The following SGMS2 variants were observed in gnomAD, a reference collection of about 807,000 sequenced individuals.
SGMS2 encodes sphingomyelin synthase 2, also known as phosphatidylcholine:ceramide cholinephosphotransferase 2.
Under a neutral mutation model 43.8 loss-of-function variants are expected in SGMS2, and 21 were observed. The observed-to-expected ratio is 0.48, with a 90% CI of 0.34 to 0.69. SGMS2 has a LOEUF of 0.69. Among genes scored for constraint, SGMS2 ranks in the 30% least tolerant of loss-of-function variants. SGMS2 has a pLI of 0.01. For missense variants in SGMS2, 384 were observed against 443.2 expected, an observed-to-expected ratio of 0.87 and a Z score of 1.20; for synonymous variants, 167 against 160.6, an observed-to-expected ratio of 1.04 and a Z score of -0.30.
intron 2 of SGMS2, among the ~76,000 whole-genome samples, chr4:107,875,545 G>A (rs909542107): frequency 2.0e-5 from 3 of 152,158 alleles, no homozygotes; most frequent in African/African-American, 7.2e-5. Context: ...ACATCAGGAA[G>A]AATAGCTGAT....
intron 2 of SGMS2, among the ~76,000 whole-genome samples, chr4:107,872,348 C>T (rs1412682067): frequency 1.3e-5 from 2 of 152,084 alleles, no homozygotes; most frequent in African/African-American, 2.4e-5. Context: ...CACCCTTTAA[C>T]GTCCCATCCT....
In SGMS2 at chr4:107,890,674, C is replaced by CAA. The variant is rs58069785; in HGVS notation, c.-244-4620_-244-4619dup. 7.0e-3 allele frequency among the ~76,000 whole-genome samples: 442 copies of CAA among 62,798 alleles called. 3 individuals carry two copies. The highest frequency in any genetic ancestry group is 0.021 in the African/African-American group (419 of 19,824). The allele number at this position is 62,798 out of a possible 152,430, so 41.2% of individuals were successfully genotyped here. ...TGGACAACAGAGCAATACTCCACCT[C>CAA]AAAAAAAAAAAAAAAAAGACAAGGT... On this transcript the variant is annotated intron_variant, in intron 2 of 6. Transcript: ENST00000690982.
chr4:107,864,324 T>G (rs927952213), intron 2 of SGMS2: 2 of 152,162 alleles, frequency 1.3e-5, no homozygotes, highest in Non-Finnish European at 2.9e-5. Context: ...AGTGGTGACA[T>G]TAGGAGATGC....
In SGMS2 at chr4:107,908,661, T is replaced by C. The variant is rs1157015706; in HGVS notation, c.824T>C (p.Ile275Thr). The part of the protein sequence containing the change: ...CILVAHEHYT[I>T]DVIIAYYITT... ...CTTGTAGCACACGAACACTACACTA[T>C]CGATGTGATCATTGCTTATTATATC... The change falls in exon 6 of 7, where the codon ATC becomes ACC. Residue 275 changes from isoleucine to threonine, a missense_variant. Ile to Thr is a moderately conservative substitution (Grantham distance 89, BLOSUM62 -1). Coordinates refer to ENST00000690982, the MANE Select transcript of SGMS2 (RefSeq NM_001375905.1). 1 of 1,614,064 alleles carries C rather than the reference T, an allele frequency of 6.2e-7. No individual in the cohort carries two copies. The highest frequency in any genetic ancestry group is 8.5e-7 in the Non-Finnish European group (1 of 1,179,946).
At chr4:107,854,533 G>T (rs534272345) in intron 1 of SGMS2, among the ~76,000 whole-genome samples, 2 of 152,276 alleles carry the variant, frequency 1.3e-5, no homozygotes, top group South Asian at 4.1e-4. Context: ...CTTCTAGGGG[G>T]AGTTGCTTTT....
At chr4:107,887,048 G>A (rs988564645) in intron 2 of SGMS2, among the ~76,000 whole-genome samples, 5 of 152,140 alleles carry the variant, frequency 3.3e-5, no homozygotes, top group African/African-American at 7.2e-5. Flanking sequence ...CAAAGGATGA[G>A]CAGGTTTTAA....
chr4:107,903,460 G>C, intron 5 of SGMS2, 74 bp downstream of exon 5: 6 of 1,414,766 alleles, frequency 4.2e-6, no homozygotes, highest in South Asian at 2.5e-5. Context: ...ATTGATAGGA[G>C]CCCTTATTCT....
intron 5 of SGMS2, 51 bp from the exon 6 acceptor site, chr4:107,908,514 T>C: frequency 6.4e-7 from 1 of 1,554,504 alleles, no homozygotes; most frequent in Non-Finnish European, 8.8e-7. Context: ...CTGTAATCAT[T>C]ACATTCATCT....
At chr4:107,844,701 G>A (rs60013386) in intron 1 of SGMS2, among the ~76,000 whole-genome samples, 13,105 of 152,006 alleles carry the variant, frequency 0.086, 768 homozygotes, top group South Asian at 0.15. Flanking sequence ...ACAAGATCCT[G>A]TCTCCAAAAA....
At chr4:107,884,339 T>C (rs1560658962) in intron 2 of SGMS2, among the ~76,000 whole-genome samples, 1 of 152,206 alleles carries the variant, frequency 6.6e-6, no homozygotes, top group East Asian at 1.9e-4. Flanking sequence ...CTATATTCTC[T>C]TCATAGGACA....
chr4:107,831,749 G>A (rs1471969243), intron 1 of SGMS2, among the ~76,000 whole-genome samples: 10 of 152,096 alleles, frequency 6.6e-5, no homozygotes, highest in Non-Finnish European at 8.8e-5. Context: ...TTCCCTCCCC[G>A]TTTCCTTTGG....
intron 2 of SGMS2, chr4:107,893,634 G>A (rs1380193526): frequency 1.3e-5 from 2 of 152,222 alleles, no homozygotes; most frequent in Non-Finnish European, 2.9e-5. Flanking sequence ...GATAGCTGGG[G>A]GCTCTGCAGA....
In SGMS2 at chr4:107,863,949, A is replaced by G. The variant is rs553993250; in HGVS notation, c.-245+5396A>G. The G allele has an allele frequency of 3.3e-5, 5 of 152,334 alleles. No individual in the cohort carries two copies. The East Asian group carries it at 7.7e-4, about 24-fold the overall frequency. 9.4% of individuals were successfully genotyped at this position (152,334 alleles called of 1,614,324 possible). On this transcript the variant is annotated intron_variant, in intron 2 of 6. Transcript: ENST00000690982. ...GTGTGTGGGCTGCCACATTCATTCA[A>G]CTGCTATTCTAGGGCTGGGCTGCAG... is the stretch of plus-strand genomic sequence containing the variant.
At chr4:107,875,199 A>T (rs1056820923) in intron 2 of SGMS2, among the ~76,000 whole-genome samples, 9 of 152,208 alleles carry the variant, frequency 5.9e-5, no homozygotes, top group African/African-American at 2.2e-4. Context: ...ATAAAGACAC[A>T]TGCACATGTC....
At chr4:107,889,664 T>G (rs1048940727) in intron 2 of SGMS2, among the ~76,000 whole-genome samples, 3 of 152,180 alleles carry the variant, frequency 2.0e-5, no homozygotes, top group Non-Finnish European at 4.4e-5. Flanking sequence ...AAAAAACGTT[T>G]TTTTCCTATC....
Position 107,895,872 on chromosome 4 carries a change from A to G in SGMS2, c.319A>G (p.Lys107Glu). The change falls in exon 3 of 7, where the codon AAG becomes GAG. Residue 107 changes from lysine (K) to glutamate (E), a missense_variant. Lys to Glu is a moderately conservative substitution (Grantham distance 56, BLOSUM62 1). Transcript: ENST00000690982. ...AGTTGTACATGAGAGGGTCCCTCCCAAGGAGCTTAGCCCTCCACTCCCAGA... is the reference window on the plus strand; with the variant it reads ...AGTTGTACATGAGAGGGTCCCTCCCGAGGAGCTTAGCCCTCCACTCCCAGA... ...ITVVHERVPP[K>E]ELSPPLPDKF... The G allele has an allele frequency of 6.2e-7, 1 of 1,613,944 alleles. No individual in the cohort carries two copies. Among genetic ancestry groups the G allele is most frequent in the Non-Finnish European group, 8.5e-7 (1 of 1,179,930 alleles).
intron 1 of SGMS2, among the ~76,000 whole-genome samples, chr4:107,837,972 A>G (rs957922252): frequency 2.0e-5 from 3 of 152,126 alleles, no homozygotes; most frequent in African/African-American, 7.2e-5. Context: ...ACAGATGTCA[A>G]ATAGCCAGTT....
At chr4:107,903,508 T>C in intron 5 of SGMS2, 122 bp downstream of exon 5, 3 of 789,798 alleles carry the variant, frequency 3.8e-6, no homozygotes, top group South Asian at 3.5e-5. Context: ...CGGATGTGTG[T>C]GTATATATGT....
intron 1 of SGMS2, among the ~76,000 whole-genome samples, chr4:107,830,186 C>G (rs1293542909): frequency 6.6e-6 from 1 of 152,166 alleles, no homozygotes; most frequent in African/African-American, 2.4e-5. Flanking sequence ...CAGCTACATC[C>G]ATGTTGCCAC....
Sources: gnomAD v4.1 joint callset for allele counts (sites outside exome capture counted in the v4.1 genomes callset) on GRCh38, gnomAD v4.1.1 for gene constraint, MANE v1.5 for transcripts, NCBI Gene and HGNC (gene_info 2026-07-23, HGNC 2026-07-21) for gene names.